Variants in LRRC4C observed in about 807,000 individuals in gnomAD.
The protein encoded by LRRC4C is leucine-rich repeat-containing protein 4C.
In LRRC4C, 5 loss-of-function variants were observed where a neutral mutation model predicts 33.6. That is an observed-to-expected ratio of 0.15 (90% CI 0.08 to 0.31). The LOEUF (loss-of-function observed/expected upper bound fraction) is 0.31, where lower values mean the gene tolerates loss of function less well. LRRC4C is among the 10% of genes least tolerant of loss of function. The pLI is 1.00. For missense variants in LRRC4C, 560 were observed against 796.7 expected, an observed-to-expected ratio of 0.70 and a Z score of 3.58; for synonymous variants, 329 against 302.0, an observed-to-expected ratio of 1.09 and a Z score of -0.93.
At chr11:40,633,325 T>TTTCTTTCTTTCTTTCTTTC (rs1963631733) in intron 3 of LRRC4C, among the ~76,000 whole-genome samples, 10 of 112,292 alleles carry the variant, frequency 8.9e-5, no homozygotes, top group African/African-American at 3.0e-4. Flanking sequence ...CAAGTTTTCT[T>TTTCTTTCTTTCTTTCTTTC]TTTCTTTCTT....
intron 2 of LRRC4C, among the ~76,000 whole-genome samples, chr11:40,758,975 G>A (rs1309604058): frequency 1.3e-5 from 2 of 151,148 alleles, no homozygotes; most frequent in Admixed American, 6.6e-5. Context: ...TATATATTCA[G>A]TCTCTCCCTC....
At chr11:40,223,363 G>A (rs187786319) in intron 5 of LRRC4C, among the ~76,000 whole-genome samples, 2 of 152,296 alleles carry the variant, frequency 1.3e-5, no homozygotes, top group Non-Finnish European at 2.9e-5. Context: ...ATGAGGGCTA[G>A]TGTGATTCAG....
intron 1 of LRRC4C, among the ~76,000 whole-genome samples, chr11:41,455,683 C>T (rs1431036939): frequency 6.6e-6 from 1 of 152,170 alleles, no homozygotes; most frequent in South Asian, 2.1e-4. Flanking sequence ...TACTGTAACA[C>T]ATTACATTTC....
At chr11:41,323,318 G>A (rs1330769049) in intron 1 of LRRC4C, among the ~76,000 whole-genome samples, 2 of 152,116 alleles carry the variant, frequency 1.3e-5, no homozygotes, top group Non-Finnish European at 2.9e-5. Context: ...TCAGATTGCT[G>A]TTCTCCAATC....
At chr11:40,396,959 A>G (rs1222185689) in intron 3 of LRRC4C, among the ~76,000 whole-genome samples, 2 of 152,228 alleles carry the variant, frequency 1.3e-5, no homozygotes, top group African/African-American at 4.8e-5. Context: ...TTTTTCTTAA[A>G]TTGATACATT....
chr11:40,563,626 A>T (rs1407316759), intron 3 of LRRC4C, among the ~76,000 whole-genome samples: 1 of 152,180 alleles, frequency 6.6e-6, no homozygotes, highest in Non-Finnish European at 1.5e-5. Context: ...ATGGGCTAAT[A>T]GTTGGTGGCA....
intron 1 of LRRC4C, among the ~76,000 whole-genome samples, chr11:41,160,380 T>C (rs1299547045): frequency 7.5e-6 from 1 of 132,672 alleles, no homozygotes; most frequent in Middle Eastern, 3.7e-3. Context: ...ACCCTCTTTC[T>C]AAAAAAAAAA....
chr11:41,294,167 G>C (rs561996577), intron 1 of LRRC4C, among the ~76,000 whole-genome samples: 15 of 152,248 alleles, frequency 9.9e-5, no homozygotes, highest in African/African-American at 3.6e-4. Context: ...TCATGCTCAA[G>C]TATCTACCCA....
chr11:40,606,747 G>A (rs1960652084), intron 3 of LRRC4C, among the ~76,000 whole-genome samples: 4 of 151,898 alleles, frequency 2.6e-5, no homozygotes, highest in Non-Finnish European at 5.9e-5. Flanking sequence ...TATTTGTGGG[G>A]GTCCTATAAG....
chr11:40,587,687 G>C (rs1461201485), intron 3 of LRRC4C, among the ~76,000 whole-genome samples: 69 of 151,816 alleles, frequency 4.5e-4, no homozygotes, highest in Admixed American at 1.5e-3. Context: ...TAGCATGAAG[G>C]GTTGTTGAAT....
chr11:40,477,836 C>T (rs189904516), intron 3 of LRRC4C, among the ~76,000 whole-genome samples: 6 of 152,250 alleles, frequency 3.9e-5, no homozygotes. Flanking sequence ...TCTGTGTCCC[C>T]ACCCAAATCT....
chr11:40,242,457 T>A (rs1470616358), intron 4 of LRRC4C, among the ~76,000 whole-genome samples: 2 of 152,218 alleles, frequency 1.3e-5, no homozygotes, highest in African/African-American at 4.8e-5. Flanking sequence ...AGTCGGGGAA[T>A]GGTTTAAGTT....
intron 2 of LRRC4C, among the ~76,000 whole-genome samples, chr11:40,839,551 C>T: frequency 6.6e-6 from 1 of 152,098 alleles, no homozygotes; most frequent in East Asian, 1.9e-4. Flanking sequence ...TGGCCATCAC[C>T]TATTTCAAAC....
intron 1 of LRRC4C, among the ~76,000 whole-genome samples, chr11:40,987,654 T>TATATA (rs1565274524): frequency 7.6e-4 from 19 of 24,852 alleles, no homozygotes; most frequent in South Asian, 1.6e-3. Context: ...TATATATATC[T>TATATA]CATATATATG....
intron 3 of LRRC4C, among the ~76,000 whole-genome samples, chr11:40,369,482 G>A (rs1948356895): frequency 6.6e-6 from 1 of 152,094 alleles, no homozygotes; most frequent in Admixed American, 6.6e-5. Context: ...GGGATTACAG[G>A]CATGCACCAC....
chr11:40,244,718 T>G (rs1455590194), intron 4 of LRRC4C, among the ~76,000 whole-genome samples: 1 of 151,972 alleles, frequency 6.6e-6, no homozygotes, highest in Non-Finnish European at 1.5e-5. Context: ...TTTTCAGCAG[T>G]GGGCTAAGGG....
intron 2 of LRRC4C, among the ~76,000 whole-genome samples, chr11:40,800,197 C>A (rs76925621): frequency 1.3e-5 from 2 of 152,152 alleles, no homozygotes; most frequent in African/African-American, 4.8e-5. Flanking sequence ...GGTGTCTTCA[C>A]CTTACATCTG....
At chr11:40,760,596 T>C (rs545966642) in intron 2 of LRRC4C, among the ~76,000 whole-genome samples, 1 of 151,758 alleles carries the variant, frequency 6.6e-6, no homozygotes, top group Admixed American at 6.6e-5. Flanking sequence ...GGATTGTCCA[T>C]GGAATAAACT....
chr11:40,434,640 A>C (rs749445618), intron 3 of LRRC4C, among the ~76,000 whole-genome samples: 1 of 152,194 alleles, frequency 6.6e-6, no homozygotes, highest in Non-Finnish European at 1.5e-5. Flanking sequence ...CCAGACCTAC[A>C]CTTATCTTTT....
Sources: allele counts gnomAD v4.1 joint callset (sites outside exome capture counted in the v4.1 genomes callset), GRCh38; gene constraint gnomAD v4.1.1; transcripts MANE v1.5; gene names NCBI Gene and HGNC (gene_info 2026-07-23, HGNC 2026-07-21).